ZNF85: variants seen among roughly 807,000 people sequenced by gnomAD.
ZNF85 encodes zinc finger protein 85 (HPF4, HTF1).
In ZNF85, 50 loss-of-function variants were observed where a neutral mutation model predicts 53.9. The observed-to-expected ratio is 0.93, with a 90% CI of 0.74 to 1.17. The LOEUF is 1.17. ZNF85 is among the 50% of genes most tolerant of loss of function. The pLI is 0.00. For synonymous variants in ZNF85, 225 were observed against 226.1 expected, an observed-to-expected ratio of 1.00 and a Z score of 0.04; for missense variants, 747 against 688.5, an observed-to-expected ratio of 1.08 and a Z score of -0.95.
chr19:20,929,352 C>T (rs887812976), intron 1 of ZNF85, among the ~76,000 whole-genome samples: 2 of 152,006 alleles, frequency 1.3e-5, no homozygotes, highest in Non-Finnish European at 2.9e-5. Flanking sequence ...CCACACCTGG[C>T]TAATTTTTGT....
chr19:20,935,131 T>A, intron 3 of ZNF85, 84 bp downstream of exon 3: 2 of 874,066 alleles, frequency 2.3e-6, no homozygotes, highest in Non-Finnish European at 3.5e-6. Flanking sequence ...AAAATGTGAT[T>A]TAGGAAGCTG....
In ZNF85 at chr19:20,949,804, A is replaced by G. The variant is rs1298361114; in HGVS notation, c.1290A>G (p.Glu430=). The G allele has an allele frequency of 1.2e-6, 2 of 1,612,292 alleles. No homozygotes were observed. The highest frequency in any genetic ancestry group is 1.7e-6 in the Non-Finnish European group (2 of 1,179,092). ...HTGEKPYKCK[E]CEKAFNQSSK... ...GAGAGAAGCCTTACAAATGTAAAGA[A>G]TGTGAAAAAGCTTTTAACCAATCCT... is the stretch of plus-strand genomic sequence containing the variant. The change falls in exon 4 of 4, where the codon GAA becomes GAG. Residue 430 remains glutamate (E), a synonymous_variant. Transcript: ENST00000328178.
chr19:20,935,652 A>C (rs111252815), intron 3 of ZNF85, among the ~76,000 whole-genome samples: 1 of 150,900 alleles, frequency 6.6e-6, no homozygotes, highest in South Asian at 2.1e-4. Flanking sequence ...AAAAGATGCC[A>C]CTAGAATTTT....
Position 20,923,369 on chromosome 19 carries a change from C to G in ZNF85, c.-32C>G, listed in dbSNP as rs200202619. 311 of 1,614,094 alleles carry G rather than the reference C, an allele frequency of 1.9e-4. 2 individuals are homozygous for G. Among genetic ancestry groups the G allele is most frequent in the Non-Finnish European group, 2.3e-4 (274 of 1,179,982 alleles). On this transcript the variant is annotated 5_prime_UTR_variant, in exon 1 of 4. Coordinates refer to ENST00000328178, the MANE Select transcript of ZNF85 (RefSeq NM_003429.5). ...CCTGCAGGTATTGGGAGATCCACAG[C>G]TAAGACGCCGGGACCCCCTGGAAGC...
chr19:20,946,316 A>C (rs1476987520), intron 3 of ZNF85: 1 of 421,478 alleles, frequency 2.4e-6, no homozygotes, highest in Non-Finnish European at 4.7e-6. Flanking sequence ...TATCAAAAAG[A>C]ATGTCGTATG....
rs11666887 is a variant in ZNF85 at position 20,949,588 on chromosome 19, C to T, written c.1074C>T (p.Thr358=). 0.12 allele frequency: 195,924 copies of T among 1,600,596 alleles called. 12,275 individuals carry two copies. Among genetic ancestry groups the T allele is most frequent in the Non-Finnish European group, 0.13 (151,640 of 1,174,726 alleles). ...CCTTTAACCAGTCTGCACACCTTAC[C>T]ACACATGAGGTAATTCATACTGGAG... ...GKAFNQSAHL[T]THEVIHTGEK... is the part of the protein sequence containing the mutation. Residue 358 remains threonine, a synonymous_variant, in exon 4 of 4, where the codon ACC becomes ACT. Coordinates refer to ENST00000328178, the MANE Select transcript of ZNF85 (RefSeq NM_003429.5).
intron 3 of ZNF85, among the ~76,000 whole-genome samples, chr19:20,940,071 C>T (rs113189020): frequency 0.013 from 1,879 of 148,412 alleles, 35 homozygotes; most frequent in African/African-American, 0.037. Flanking sequence ...TTTTACCATG[C>T]GTTTAATAAT....
chr19:20,936,081 A>G (rs1475189328), intron 3 of ZNF85, among the ~76,000 whole-genome samples: 1 of 151,300 alleles, frequency 6.6e-6, no homozygotes, highest in African/African-American at 2.4e-5. Context: ...TATAAATAAG[A>G]TTGTTTTCTT....
chr19:20,935,601 T>A (rs1474260351), intron 3 of ZNF85, among the ~76,000 whole-genome samples: 1 of 152,214 alleles, frequency 6.6e-6, no homozygotes, highest in Non-Finnish European at 1.5e-5. Context: ...AAGTTTATTA[T>A]AGTTTCATGT....
At position 20,949,978 on chromosome 19, in the gene ZNF85, C is replaced by G; in HGVS notation, c.1464C>G (p.Gly488=). 6.2e-7 allele frequency: 1 copy of G among 1,608,424 alleles called. No individual in the cohort carries two copies. The highest frequency in any genetic ancestry group is 8.5e-7 in the Non-Finnish European group (1 of 1,177,206). ...AACCTTACAAATGTGAAGAATGTGG[C>G]AAAGGTTTTAAATGGCCCTCAACCC... ...EEKPYKCEEC[G]KGFKWPSTLT... The change falls in exon 4 of 4, where the codon GGC becomes GGG. Residue 488 remains glycine (G), a synonymous_variant. Transcript: ENST00000328178.
At position 20,949,812 on chromosome 19, in the gene ZNF85, A is replaced by C; in HGVS notation, c.1298A>C (p.Lys433Thr). ...CCTTACAAATGTAAAGAATGTGAAA[A>C]AGCTTTTAACCAATCCTCAAAACTT... ...EKPYKCKECEKAFNQSSKLTE... is the reference protein window; with the variant it reads ...EKPYKCKECETAFNQSSKLTE... The change falls in exon 4 of 4, where the codon AAA (lysine) becomes ACA (threonine). Residue 433 changes from lysine (K) to threonine (T), a missense_variant. Coordinates refer to ENST00000328178, the MANE Select transcript of ZNF85 (RefSeq NM_003429.5). The C allele has an allele frequency of 6.2e-7, 1 of 1,612,310 alleles. No individual in the cohort carries two copies.
chr19:20,949,879 A>C lies in ZNF85; in HGVS notation c.1365A>C (p.Glu455Asp), dbSNP rs371487894. The change falls in exon 4 of 4, where the codon GAA (glutamate) becomes GAC (aspartate). Residue 455 changes from glutamate to aspartate, a missense_variant. Transcript: ENST00000328178. ...TTCATACTGGAGAGAAACCCTATGA[A>C]TGTGAAAAATGTGGCAAAGCTTTTA... is the stretch of plus-strand genomic sequence containing the variant. ...KKIHTGEKPY[E>D]CEKCGKAFNQ... The C allele has an allele frequency of 1.2e-6, 2 of 1,612,682 alleles. No homozygotes were observed. The highest frequency in any genetic ancestry group is 1.7e-6 in the Non-Finnish European group (2 of 1,179,396).
rs767890229 is a variant in ZNF85 at position 20,949,403 on chromosome 19, C to T, written c.889C>T (p.Arg297Ter). The T allele has an allele frequency of 1.3e-5, 21 of 1,608,832 alleles. No individual in the cohort carries two copies. The highest frequency in any genetic ancestry group is 2.2e-5 in the East Asian group (1 of 44,722). ...TAAAGAATGTGGTAAAGCTTTTAACCGATCTTCAACCCTTACTACCCATAG... is the reference window on the plus strand; with the variant it reads ...TAAAGAATGTGGTAAAGCTTTTAACTGATCTTCAACCCTTACTACCCATAG... The part of the protein sequence containing the change: ...KCKECGKAFN[R>*]SSTLTTHRKI... The change falls in exon 4 of 4, where the codon CGA becomes TGA. Residue 297 changes from arginine (R) to a stop codon, truncating the protein, a stop_gained. Transcript: ENST00000328178. LOFTEE classifies it high-confidence loss of function.
At chr19:20,928,315 T>C (rs917281294) in intron 1 of ZNF85, 1 of 152,220 alleles carries the variant, frequency 6.6e-6, no homozygotes, top group African/African-American at 2.4e-5. Flanking sequence ...GCAAACTCTA[T>C]AGATTTGATA....
chr19:20,928,426 T>A (rs1345294928), intron 1 of ZNF85: 1 of 152,250 alleles, frequency 6.6e-6, no homozygotes, highest in East Asian at 1.9e-4. Flanking sequence ...ACACTGCCCA[T>A]TGTCTTGTGA....
At chr19:20,927,394 TGTG>T (rs1972904184) in intron 1 of ZNF85, 1 of 151,498 alleles carries the variant, frequency 6.6e-6, no homozygotes, top group African/African-American at 2.4e-5. Context: ...TGGAGGTTGT[TGTG>T]AGCTGTTATC....
At chr19:20,941,424 G>A (rs776490948) in intron 3 of ZNF85, among the ~76,000 whole-genome samples, 12 of 151,950 alleles carry the variant, frequency 7.9e-5, no homozygotes, top group Non-Finnish European at 1.6e-4. Context: ...CGTCACACCC[G>A]GCTAATTTTT....
At chr19:20,940,483 A>G (rs1973269687) in intron 3 of ZNF85, among the ~76,000 whole-genome samples, 3 of 152,176 alleles carry the variant, frequency 2.0e-5, no homozygotes, top group African/African-American at 4.8e-5. Flanking sequence ...ACTATAGTCA[A>G]CCATAATTGT....
chr19:20,943,423 C>T (rs1035593722), intron 3 of ZNF85: 6 of 152,198 alleles, frequency 3.9e-5, no homozygotes, highest in African/African-American at 1.4e-4. Context: ...ACATTTGGTT[C>T]TGTCTTTTAC....
Sources: gnomAD v4.1 joint callset for allele counts (sites outside exome capture counted in the v4.1 genomes callset) on GRCh38, gnomAD v4.1.1 for gene constraint, MANE v1.5 for transcripts, NCBI Gene and HGNC (gene_info 2026-07-23, HGNC 2026-07-21) for gene names.